ADAMTSL1: variants seen among roughly 807,000 people sequenced by gnomAD.
ADAMTSL1 encodes the protein ADAMTS like 1.
ADAMTSL1 carries 126 observed loss-of-function variants against 201.8 expected under a neutral mutation model. The ratio of observed to expected loss-of-function variants is 0.62; its 90% CI spans 0.54 to 0.72. The LOEUF (loss-of-function observed/expected upper bound fraction) is 0.72, where lower values mean the gene tolerates loss of function less well. Ranked by LOEUF, ADAMTSL1 falls within the 30% of genes least tolerant of loss-of-function variation. ADAMTSL1 has a pLI of 0.00. For synonymous variants in ADAMTSL1, 1,121 were observed against 903.4 expected (o/e 1.24, Z -4.32); for missense variants, 2,679 against 2,277.8 (o/e 1.18, Z -3.59).
intron 1 of ADAMTSL1, among the ~76,000 whole-genome samples, chr9:18,149,024 A>C (rs1202968845): frequency 6.6e-6 from 1 of 152,076 alleles, no homozygotes; most frequent in Non-Finnish European, 1.5e-5. Flanking sequence ...CAGGTTCTCC[A>C]ATAGAAAGTG....
Position 18,777,574 on chromosome 9 carries a change from C to G in ADAMTSL1, c.3345C>G (p.His1115Gln). The part of the protein sequence containing the change: ...AQEIFRSHLE[H>Q]QDTLLKPSER... ...AGATCTTCCGCAGCCACCTGGAGCA[C>G]CAGGACACGCTCCTGAAGCCCTCGG... Residue 1115 changes from histidine to glutamine, a missense_variant, in exon 19 of 29, where the codon CAC (histidine) becomes CAG (glutamine). His to Gln is a conservative substitution (Grantham distance 24, BLOSUM62 0). Coordinates refer to ENST00000380548, the MANE Select transcript of ADAMTSL1 (RefSeq NM_001040272.6). 1 of 1,610,114 alleles carries G rather than the reference C, an allele frequency of 6.2e-7. No individual in the cohort carries two copies. Among genetic ancestry groups the G allele is most frequent in the Non-Finnish European group, 8.5e-7 (1 of 1,178,436 alleles).
At chr9:18,690,907 G>A (rs80154685) in intron 13 of ADAMTSL1, among the ~76,000 whole-genome samples, 3,333 of 152,250 alleles carry the variant, frequency 0.022, 40 homozygotes, top group Middle Eastern at 0.051. Context: ...TCCTAATGAT[G>A]GAAGCTAAAC....
intron 1 of ADAMTSL1, among the ~76,000 whole-genome samples, chr9:18,158,482 C>G (rs1048410124): frequency 6.6e-6 from 1 of 151,894 alleles, no homozygotes; most frequent in Non-Finnish European, 1.5e-5. Flanking sequence ...CCCATCCCCA[C>G]CTTGACATTT....
chr9:18,763,046 C>T (rs564118001), intron 16 of ADAMTSL1, among the ~76,000 whole-genome samples: 25 of 152,232 alleles, frequency 1.6e-4, no homozygotes, highest in African/African-American at 4.3e-4. Flanking sequence ...CTAGATCATA[C>T]GGTAGCTCAA....
intron 2 of ADAMTSL1, among the ~76,000 whole-genome samples, chr9:18,403,152 T>C (rs1213759919): frequency 2.0e-5 from 3 of 151,610 alleles, no homozygotes; most frequent in Non-Finnish European, 4.4e-5. Flanking sequence ...CATTTTCTTG[T>C]AATCTTTTTT....
chr9:18,648,720 C>G (rs1343162022), intron 7 of ADAMTSL1, among the ~76,000 whole-genome samples: 1 of 151,656 alleles, frequency 6.6e-6, no homozygotes, highest in African/African-American at 2.4e-5. Flanking sequence ...TTGGTCCCCA[C>G]TGTCTTCTGG....
At chr9:18,558,771 GT>G (rs921163969) in intron 3 of ADAMTSL1, among the ~76,000 whole-genome samples, 2 of 151,782 alleles carry the variant, frequency 1.3e-5, no homozygotes, top group Non-Finnish European at 2.9e-5. Flanking sequence ...GTGATGATGA[GT>G]TTTTTTTCGT....
intron 2 of ADAMTSL1, among the ~76,000 whole-genome samples, chr9:18,335,982 A>C (rs907370747): frequency 1.3e-5 from 2 of 152,130 alleles, no homozygotes; most frequent in Admixed American, 1.3e-4. Flanking sequence ...TTAACCTAGC[A>C]TTATGGGAGT....
intron 2 of ADAMTSL1, among the ~76,000 whole-genome samples, chr9:18,324,620 C>G (rs1277470502): frequency 6.6e-6 from 1 of 151,864 alleles, no homozygotes; most frequent in Non-Finnish European, 1.5e-5. Flanking sequence ...CAAAATTAGC[C>G]TGGCATGGTG....
rs182697874 is a variant in ADAMTSL1, at chr9:18,759,731, G to T, written c.2217+6223G>T. On this transcript the variant is annotated intron_variant, in intron 16 of 28. Transcript: ENST00000380548. ...TGGCATAATTGCCCTGATTTTGATG[G>T]ATGTGCAGCTGCTTGCTTCACACCA... Among the ~76,000 whole-genome samples, 589 of 152,224 alleles carry T rather than the reference G, an allele frequency of 3.9e-3. 5 individuals are homozygous for T. Among genetic ancestry groups the T allele is most frequent in the African/African-American group, 0.014 (563 of 41,550 alleles).
At chr9:18,261,458 T>C (rs554756266) in intron 2 of ADAMTSL1, among the ~76,000 whole-genome samples, 7 of 152,344 alleles carry the variant, frequency 4.6e-5, no homozygotes, top group African/African-American at 1.4e-4. Context: ...AAGCTCGAGA[T>C]ACATCTAGGA....
At chr9:18,561,811 T>G (rs1020713150) in intron 3 of ADAMTSL1, among the ~76,000 whole-genome samples, 1 of 152,222 alleles carries the variant, frequency 6.6e-6, no homozygotes, top group African/African-American at 2.4e-5. Flanking sequence ...CTTTGTTGGT[T>G]TAAAGTCTGT....
At chr9:18,884,489 A>G (rs915383787) in intron 23 of ADAMTSL1, among the ~76,000 whole-genome samples, 2 of 151,942 alleles carry the variant, frequency 1.3e-5, no homozygotes, top group Admixed American at 6.6e-5. Context: ...TCATTGCCAA[A>G]CCCAATGTCA....
intron 16 of ADAMTSL1, among the ~76,000 whole-genome samples, chr9:18,766,359 T>C (rs553263547): frequency 1.9e-4 from 29 of 152,338 alleles, no homozygotes; most frequent in Admixed American, 5.2e-4. Flanking sequence ...GTTTTAAGCA[T>C]GGAAATTGTG....
At chr9:18,507,160 G>C (rs1390256458) in intron 2 of ADAMTSL1, among the ~76,000 whole-genome samples, 1 of 152,152 alleles carries the variant, frequency 6.6e-6, no homozygotes, top group Admixed American at 6.5e-5. Flanking sequence ...AGGCTAAACT[G>C]TATTAATTCT....
chr9:18,659,294 G>A (rs1396736238), intron 8 of ADAMTSL1, among the ~76,000 whole-genome samples: 1 of 152,196 alleles, frequency 6.6e-6, no homozygotes, highest in Non-Finnish European at 1.5e-5. Context: ...TCTACACAAT[G>A]TAAACAAACT....
At chr9:18,284,056 C>T (rs529270491) in intron 2 of ADAMTSL1, among the ~76,000 whole-genome samples, 139 of 151,638 alleles carry the variant, frequency 9.2e-4, no homozygotes, top group African/African-American at 3.1e-3. Context: ...CATGGAGAAA[C>T]CCCATCTCTA....
At chr9:18,762,766 G>T (rs563019832) in intron 16 of ADAMTSL1, among the ~76,000 whole-genome samples, 1 of 152,076 alleles carries the variant, frequency 6.6e-6, no homozygotes, top group South Asian at 2.1e-4. Flanking sequence ...GTCTTTCTGT[G>T]GCTGGCTTAT....
intron 2 of ADAMTSL1, among the ~76,000 whole-genome samples, chr9:18,299,011 C>CAAA (rs369246364): frequency 8.7e-5 from 12 of 138,310 alleles, no homozygotes; most frequent in African/African-American, 2.1e-4. Context: ...GACTCCGTCT[C>CAAA]AAAAAAAAAA....
Sources: allele counts gnomAD v4.1 joint callset (sites outside exome capture counted in the v4.1 genomes callset), GRCh38; gene constraint gnomAD v4.1.1; transcripts MANE v1.5; gene names NCBI Gene and HGNC (gene_info 2026-07-23, HGNC 2026-07-21).